Variants in SDHA observed in about 807,000 individuals in gnomAD.
The protein encoded by SDHA is succinate dehydrogenase [ubiquinone] flavoprotein subunit, mitochondrial.
In SDHA, 48 loss-of-function variants were observed where a neutral mutation model predicts 78.4. The ratio of observed to expected loss-of-function variants is 0.61; its 90% CI spans 0.49 to 0.78. The LOEUF is 0.78. SDHA is among the 30% of genes least tolerant of loss of function. SDHA has a pLI of 0.00. For synonymous variants in SDHA, 326 were observed against 353.9 expected (o/e 0.92, Z 0.88); for missense variants, 680 against 892.7 (o/e 0.76, Z 3.04).
intron 11 of SDHA, among the ~76,000 whole-genome samples, chr5:242,091 CAG>C (rs944369734): frequency 3.9e-5 from 6 of 152,160 alleles, no homozygotes; most frequent in South Asian, 2.1e-4. Context: ...ACTGAACAAA[CAG>C]AGTTTCCTCT....
In SDHA at chr5:256,519, T is replaced by C. The variant is rs1384371894; in HGVS notation, c.*99T>C. The stretch of plus-strand genomic sequence containing the variant: ...TAACTGTCTTCATACGCTTCTGCAC[T>C]CTGGGGAAGAAGGAGTACATTGAAG... On this transcript the variant is annotated 3_prime_UTR_variant, in exon 15 of 15. Coordinates refer to ENST00000264932, the MANE Select transcript of SDHA (RefSeq NM_004168.4). The C allele has an allele frequency of 2.7e-6, 3 of 1,101,680 alleles. No individual in the cohort carries two copies. The highest frequency in any genetic ancestry group is 4.2e-6 in the Non-Finnish European group (3 of 722,162). 68.2% of individuals were successfully genotyped at this position (1,101,680 alleles called of 1,614,324 possible). A position where few individuals can be genotyped will look rare whatever the true frequency, so the allele number is the denominator to read the frequency against.
At chr5:250,004 C>G (rs1161797195) in intron 11 of SDHA, 1 of 151,374 alleles carries the variant, frequency 6.6e-6, no homozygotes, top group Non-Finnish European at 1.5e-5. Context: ...ATTCACATTT[C>G]AAAAAAAATT....
intron 1 of SDHA, chr5:220,092 T>C (rs1275799969): frequency 5.7e-6 from 1 of 176,264 alleles, no homozygotes; most frequent in Non-Finnish European, 1.3e-5. Context: ...AAATAGATGC[T>C]GAGGATAATT....
chr5:227,229 C>A (rs1412751862), intron 5 of SDHA, among the ~76,000 whole-genome samples: 1 of 152,086 alleles, frequency 6.6e-6, no homozygotes, highest in African/African-American at 2.4e-5. Flanking sequence ...AGGCTGGTCC[C>A]GAACTCCTGA....
At chr5:219,238 G>C (rs547298644) in intron 1 of SDHA, among the ~76,000 whole-genome samples, 38 of 152,092 alleles carry the variant, frequency 2.5e-4, no homozygotes, top group African/African-American at 8.9e-4. Context: ...CTTAGTCCAG[G>C]ATGGTGGTCA....
chr5:235,413 T>C lies in SDHA; in HGVS notation c.1260+74T>C, dbSNP rs369005778. ...CGGGGCCCACCTCGCAGTTGTCTCT[T>C]TAGATCTTACAGGAAAAGATAGATG... On this transcript the variant is annotated intron_variant, in intron 9 of 14. Coordinates refer to ENST00000264932, the MANE Select transcript of SDHA (RefSeq NM_004168.4). 28 of 1,390,962 alleles carry C rather than the reference T, an allele frequency of 2.0e-5. No homozygotes were observed. In the East Asian group the frequency reaches 4.1e-4, roughly 20 times the overall value. 86.2% of individuals were successfully genotyped at this position (1,390,962 alleles called of 1,614,324 possible). A position where few individuals can be genotyped will look rare whatever the true frequency, so the allele number is the denominator to read the frequency against.
chr5:234,434 A>C (rs906837598), intron 8 of SDHA: 4 of 147,572 alleles, frequency 2.7e-5, no homozygotes, highest in Non-Finnish European at 5.9e-5. Context: ...AAAAAAAAAA[A>C]AAAAAAAAAA....
chr5:255,811 G>A (rs555566181), intron 14 of SDHA, among the ~76,000 whole-genome samples: 3 of 152,260 alleles, frequency 2.0e-5, no homozygotes, highest in Admixed American at 6.5e-5. Flanking sequence ...AACCAGAGAC[G>A]ACCCATTATG....
At position 240,368 on chromosome 5, in the gene SDHA, C is replaced by T. The variant is rs751871185; in HGVS notation, c.1443C>T (p.Val481=). Residue 481 remains valine, a synonymous_variant, in exon 11 of 15, where the codon GTC becomes GTT. Coordinates refer to ENST00000264932, the MANE Select transcript of SDHA (RefSeq NM_004168.4). ...IEESCRPGDK[V]PPIKPNAGEE... ...TTTTTTTTGTTTTAGGAGATAAAGT[C>T]CCTCCAATTAAACCAAACGCTGGGG... 6.3e-7 allele frequency: 1 copy of T among 1,589,794 alleles called. No homozygotes were observed. Among genetic ancestry groups the T allele is most frequent in the Non-Finnish European group, 8.6e-7 (1 of 1,159,022 alleles).
At chr5:236,107 C>T (rs529051052) in intron 9 of SDHA, 1 of 393,236 alleles carries the variant, frequency 2.5e-6, no homozygotes, top group East Asian at 5.8e-5. Context: ...TCACTGCAAC[C>T]TCTGCCTCCC....
At chr5:224,319 T>C (rs751629549) in intron 2 of SDHA, 41 bp from the exon 3 acceptor site, 14 of 1,597,718 alleles carry the variant, frequency 8.8e-6, no homozygotes, top group Non-Finnish European at 1.1e-5. Context: ...ATGTTTGGCA[T>C]AGTGGAACAT....
intron 3 of SDHA, chr5:224,789 T>C (rs61689490): frequency 0.16 from 81,705 of 501,512 alleles, 10,637 homozygotes; most frequent in African/African-American, 0.52. Context: ...CTTCCCCACC[T>C]ACCCCCGCCA....
At chr5:259,786 T>C (rs1316195482), downstream of SDHA, among the ~76,000 whole-genome samples, 6 of 32,170 alleles carry the variant, frequency 1.9e-4, no homozygotes, top group East Asian at 5.9e-4. Context: ...GAGCTCCGCC[T>C]CCCGCCAGAG....
the SDHA span, among the ~76,000 whole-genome samples, chr5:265,068 A>G: frequency 6.6e-6 from 1 of 152,116 alleles, no homozygotes; most frequent in African/African-American, 2.4e-5. Flanking sequence ...TTAGCTGGGC[A>G]TGGTGGCAGG....
intron 11 of SDHA, among the ~76,000 whole-genome samples, chr5:246,583 A>T (rs538849396): frequency 6.6e-6 from 1 of 152,378 alleles, no homozygotes; most frequent in African/African-American, 2.4e-5. Flanking sequence ...AGATTTGCTA[A>T]TTTTTCCAAC....
chr5:258,895 C>T (rs1368795438), downstream of SDHA, among the ~76,000 whole-genome samples: 4 of 48,180 alleles, frequency 8.3e-5, no homozygotes, highest in Admixed American at 1.9e-4. Flanking sequence ...CCGCCCTCCG[C>T]CAGAGCATTA....
chr5:267,185 C>A, the SDHA span, among the ~76,000 whole-genome samples: 104 of 152,320 alleles, frequency 6.8e-4, no homozygotes, highest in Admixed American at 2.3e-3. Flanking sequence ...AAGTCATTGT[C>A]TTCCTTACTG....
At chr5:255,410 G>A (rs142981937) in intron 14 of SDHA, among the ~76,000 whole-genome samples, 2,323 of 151,722 alleles carry the variant, frequency 0.015, 57 homozygotes, top group African/African-American at 0.053. Flanking sequence ...CACTTCACTC[G>A]CTTAGCACAA....
the SDHA span, among the ~76,000 whole-genome samples, chr5:264,530 C>CCGGACTAAT: frequency 6.6e-6 from 1 of 152,146 alleles, no homozygotes; most frequent in African/African-American, 2.4e-5. Context: ...CCGGGCACCC[C>CCGGACTAAT]GGCCTAATCC....
Sources: gnomAD v4.1 joint callset for allele counts (sites outside exome capture counted in the v4.1 genomes callset) on GRCh38, gnomAD v4.1.1 for gene constraint, MANE v1.5 for transcripts, NCBI Gene and HGNC (gene_info 2026-07-23, HGNC 2026-07-21) for gene names.